The following SARDH variants were observed in gnomAD, a reference collection of about 807,000 sequenced individuals.
The protein encoded by SARDH is sarcosine dehydrogenase, also known as sarcosine dehydrogenase, mitochondrial.
SARDH carries 95 observed loss-of-function variants against 109.1 expected under a neutral mutation model. That is an observed-to-expected ratio of 0.87 (90% confidence interval 0.74 to 1.03). The LOEUF (loss-of-function observed/expected upper bound fraction) is 1.03, where lower values mean the gene tolerates loss of function less well. SARDH is among the 50% of genes least tolerant of loss of function. The pLI is 0.00. For synonymous variants in SARDH, 572 were observed against 534.8 expected, an observed-to-expected ratio of 1.07 and a Z score of -0.96; for missense variants, 1,267 against 1,287.8, an observed-to-expected ratio of 0.98 and a Z score of 0.25.
chr9:133,723,454 T>C (rs1048269310), intron 6 of SARDH, among the ~76,000 whole-genome samples: 12 of 152,192 alleles, frequency 7.9e-5, no homozygotes, highest in African/African-American at 2.7e-4. Flanking sequence ...TGGATTAGAA[T>C]TGAGAGTCGA....
intron 16 of SARDH, among the ~76,000 whole-genome samples, chr9:133,690,158 A>C (rs1055418264): frequency 1.3e-5 from 2 of 152,190 alleles, no homozygotes; most frequent in African/African-American, 4.8e-5. Flanking sequence ...TGGGGTCCTC[A>C]GTGACTGAAC....
At chr9:133,664,097 T>A in intron 20 of SARDH, 83 bp from the exon 21 acceptor site, 1 of 1,543,944 alleles carries the variant, frequency 6.5e-7, no homozygotes, top group South Asian at 1.2e-5. Flanking sequence ...GAGGAGGGGG[T>A]CTTGGTCTTG....
intron 10 of SARDH, among the ~76,000 whole-genome samples, chr9:133,711,786 CG>C (rs1305259285): frequency 2.6e-5 from 4 of 152,150 alleles, no homozygotes; most frequent in Admixed American, 1.3e-4. Context: ...TGGAGAGACC[CG>C]GAGGCCGGGC....
At position 133,719,050 on chromosome 9, in the gene SARDH, G is replaced by A. The variant is rs757243498; in HGVS notation, c.916-8C>T. On this transcript the variant is annotated splice_region_variant and splice_polypyrimidine_tract_variant and intron_variant, in intron 6 of 20. Coordinates refer to ENST00000439388, the MANE Select transcript of SARDH (RefSeq NM_001134707.2). ...ACGGACATTGGGCATGTTCTGGAAG[G>A]CAGAGAGAGAGGCCTTGGCATCATC... The A allele has an allele frequency of 3.7e-6, 6 of 1,612,640 alleles. No homozygotes were observed. The East Asian group carries it at 1.1e-4, about 30-fold the overall frequency.
chr9:133,713,012 C>A, intron 9 of SARDH, 26 bp downstream of exon 9: 1 of 1,595,106 alleles, frequency 6.3e-7, no homozygotes, highest in Non-Finnish European at 8.5e-7. Context: ...CTCTTGGGGG[C>A]CAGGAGGGCT....
In SARDH at chr9:133,693,112, C is replaced by G. The variant is rs1283397480; in HGVS notation, c.1921+1146G>C. On this transcript the variant is annotated intron_variant, in intron 15 of 20. Coordinates refer to ENST00000439388, the MANE Select transcript of SARDH (RefSeq NM_001134707.2). The surrounding 1 kb of genome is among the most constrained non-coding windows in gnomAD (Gnocchi z 5.6). Reference sequence around the variant, plus strand: ...TCCGGTCTTCATTTTTCCTCTTGACCCATCTAACATCCTACACCTTCCACT... The same window carrying G: ...TCCGGTCTTCATTTTTCCTCTTGACGCATCTAACATCCTACACCTTCCACT... Among the ~76,000 whole-genome samples, 2 of 151,888 alleles carry G rather than the reference C, an allele frequency of 1.3e-5. No homozygotes were observed. Among genetic ancestry groups the G allele is most frequent in the African/African-American group, 2.4e-5 (1 of 41,316 alleles).
chr9:133,716,577 G>A (rs1233127734), intron 8 of SARDH, among the ~76,000 whole-genome samples: 3 of 151,384 alleles, frequency 2.0e-5, no homozygotes, highest in Admixed American at 6.6e-5. Flanking sequence ...CCCCACACCC[G>A]CCCCCTGGGG....
chr9:133,731,954 C>T lies in SARDH; in HGVS notation c.510+469G>A, dbSNP rs373270886. On this transcript the variant is annotated intron_variant, in intron 3 of 20. Transcript: ENST00000439388. ...GACTGTCAGATAGACCACGCCCCCA[C>T]ATTTGATTGGCCCAAGAACAGCCAA... 1.5e-4 allele frequency among the ~76,000 whole-genome samples: 23 copies of T among 152,322 alleles called. No homozygotes were observed. In the East Asian group the frequency reaches 3.1e-3, roughly 20 times the overall value.
rs1832205835 is a variant in SARDH, at chr9:133,718,446, T to C, written c.1020+492A>G. 5.9e-6 allele frequency: 3 copies of C among 506,378 alleles called. No homozygotes were observed. The allele number at this position is 506,378 out of a possible 1,614,324, so 31.4% of individuals were successfully genotyped here. A position where few individuals can be genotyped will look rare whatever the true frequency, so the allele number is the denominator to read the frequency against. On this transcript the variant is annotated intron_variant, in intron 7 of 20. Transcript: ENST00000439388. This position sits in a 1 kb window ranked among gnomAD's most constrained non-coding sequence, Gnocchi z 4.2. The stretch of plus-strand genomic sequence containing the variant: ...TCAGGGACTTTTATCTTAGTTTCCC[T>C]CTTTCTCCAGAAATTAAAGCAGTTT...
Position 133,666,358 on chromosome 9 carries a change from T to G in SARDH, c.2631+377A>C, listed in dbSNP as rs1404321792. On this transcript the variant is annotated intron_variant, in intron 20 of 20. Coordinates refer to ENST00000439388, the MANE Select transcript of SARDH (RefSeq NM_001134707.2). This position sits in a 1 kb window ranked among gnomAD's most constrained non-coding sequence, Gnocchi z 5.2. ...TCAGCCTGGCTGGCTGGCACCTCCTTCTAACCAAAAAAAGCCTGGAATCAC... is the reference window on the plus strand; with the variant it reads ...TCAGCCTGGCTGGCTGGCACCTCCTGCTAACCAAAAAAAGCCTGGAATCAC... 1.3e-5 allele frequency among the ~76,000 whole-genome samples: 2 copies of G among 152,046 alleles called. No individual in the cohort carries two copies. Among genetic ancestry groups the G allele is most frequent in the Non-Finnish European group, 2.9e-5 (2 of 67,976 alleles).
chr9:133,681,801 C>T (rs905530417), intron 17 of SARDH, among the ~76,000 whole-genome samples: 8 of 152,194 alleles, frequency 5.3e-5, no homozygotes, highest in Non-Finnish European at 1.0e-4. Context: ...GCGTGTTTCC[C>T]AGCAGCTGGG....
At position 133,694,368 on chromosome 9, in the gene SARDH, G is replaced by C; in HGVS notation, c.1811C>G (p.Ser604Cys). The C allele has an allele frequency of 1.3e-6, 2 of 1,550,234 alleles. No homozygotes were observed. The highest frequency in any genetic ancestry group is 1.7e-6 in the Non-Finnish European group (2 of 1,146,520). Reference sequence around the variant, plus strand: ...GTTGAGCATGCACGTGTACACGGTGGAGCCTGCGAGAGGGAGAAGGAAGCC... The same window carrying C: ...GTTGAGCATGCACGTGTACACGGTGCAGCCTGCGAGAGGGAGAAGGAAGCC... The part of the protein sequence containing the change: ...FSADVSRPPG[S>C]TVYTCMLNHR... Residue 604 changes from serine (S) to cysteine (C), a missense_variant, in exon 15 of 21, where the codon TCC becomes TGC. By Grantham distance (112) the Ser-to-Cys change is moderately radical. Coordinates refer to ENST00000439388, the MANE Select transcript of SARDH (RefSeq NM_001134707.2).
At chr9:133,715,114 G>A (rs1832070858) in intron 8 of SARDH, among the ~76,000 whole-genome samples, 1 of 152,120 alleles carries the variant, frequency 6.6e-6, no homozygotes, top group Non-Finnish European at 1.5e-5. Flanking sequence ...TGCCCTCCCA[G>A]GCGCTCCCTA....
chr9:133,689,832 T>C (rs1831029152), intron 16 of SARDH, among the ~76,000 whole-genome samples: 1 of 152,174 alleles, frequency 6.6e-6, no homozygotes, highest in Non-Finnish European at 1.5e-5. Flanking sequence ...AAGACTCTTC[T>C]GTGGCTGTGT....
At chr9:133,664,382 G>A (rs1206398746) in intron 20 of SARDH, among the ~76,000 whole-genome samples, 2 of 152,236 alleles carry the variant, frequency 1.3e-5, no homozygotes, top group Non-Finnish European at 2.9e-5. Flanking sequence ...GAGGCTGGGG[G>A]CCAATCCGGC....
At chr9:133,691,707 G>A (rs888489017) in intron 15 of SARDH, among the ~76,000 whole-genome samples, 8 of 152,200 alleles carry the variant, frequency 5.3e-5, no homozygotes, top group African/African-American at 1.9e-4. Context: ...GCTCCGTGGT[G>A]ATCTGATGCA....
At chr9:133,715,477 G>A (rs1056433492) in intron 8 of SARDH, among the ~76,000 whole-genome samples, 10 of 152,192 alleles carry the variant, frequency 6.6e-5, no homozygotes, top group East Asian at 3.9e-4. Flanking sequence ...ACGCTGCCCC[G>A]GCCCCTGGGG....
At chr9:133,720,549 G>C (rs1323045545) in intron 6 of SARDH, among the ~76,000 whole-genome samples, 1 of 152,238 alleles carries the variant, frequency 6.6e-6, no homozygotes, top group East Asian at 1.9e-4. Flanking sequence ...ACAGGAAAGA[G>C]GTTTAATGGA....
rs1182045048 is a variant in SARDH at position 133,694,361 on chromosome 9, C to A, written c.1818G>T (p.Val606=). 5 of 1,550,518 alleles carry A rather than the reference C, an allele frequency of 3.2e-6. No homozygotes were observed. The Admixed American group carries it at 5.9e-5, about 18-fold the overall frequency. ...CACGGTGGTTGAGCATGCACGTGTACACGGTGGAGCCTGCGAGAGGGAGAA... is the reference window on the plus strand; with the variant it reads ...CACGGTGGTTGAGCATGCACGTGTAAACGGTGGAGCCTGCGAGAGGGAGAA... ...ADVSRPPGST[V]YTCMLNHRGG... The change falls in exon 15 of 21, where the codon GTG becomes GTT. Residue 606 remains valine, a synonymous_variant. Coordinates refer to ENST00000439388, the MANE Select transcript of SARDH (RefSeq NM_001134707.2).
Sources: allele counts gnomAD v4.1 joint callset (sites outside exome capture counted in the v4.1 genomes callset), GRCh38; gene constraint gnomAD v4.1.1; non-coding constraint Gnocchi (gnomAD v3.1); transcripts MANE v1.5; gene names NCBI Gene and HGNC (gene_info 2026-07-23, HGNC 2026-07-21).